The following MSI2 variants were observed in gnomAD, a reference collection of about 807,000 sequenced individuals.
MSI2 encodes musashi RNA binding protein 2, also known as RNA-binding protein Musashi homolog 2.
Under a neutral mutation model 45.6 loss-of-function variants are expected in MSI2, and 17 were observed. That is an observed-to-expected ratio of 0.37 (90% CI 0.26 to 0.56). MSI2 has a LOEUF of 0.56. Among genes scored for constraint, MSI2 ranks in the 20% least tolerant of loss-of-function variants. MSI2 has a pLI of 0.77. For missense variants in MSI2, 293 were observed against 444.2 expected (o/e 0.66, Z 3.06); for synonymous variants, 156 against 158.2 (o/e 0.99, Z 0.11).
chr17:57,454,412 C>T (rs2085073942), intron 6 of MSI2, among the ~76,000 whole-genome samples: 1 of 151,224 alleles, frequency 6.6e-6, no homozygotes, highest in South Asian at 2.1e-4. Flanking sequence ...CTTCTTTCCT[C>T]TCTCTCTCTT....
At chr17:57,615,829 G>A in intron 8 of MSI2, 141 bp from the exon 9 acceptor site, 1 of 620,740 alleles carries the variant, frequency 1.6e-6, no homozygotes, top group Admixed American at 3.0e-5. Context: ...TATTTTGCAG[G>A]CCATTTACTC....
In MSI2 at chr17:57,560,410, C is replaced by G. The variant is rs8081265; in HGVS notation, c.454+30686C>G. Among the ~76,000 whole-genome samples, 3 of 151,960 alleles carry G rather than the reference C, an allele frequency of 2.0e-5. 1 individual carries two copies. The highest frequency in any genetic ancestry group is 2.4e-5 in the African/African-American group (1 of 41,356). On this transcript the variant is annotated intron_variant, in intron 7 of 13. Transcript: ENST00000284073. ...GGGTTGGTGGGGACACTTCCACCCA[C>G]TTCCATGGGGATTTACAAGGTCTGC...
At chr17:57,388,580 T>C (rs903772350) in intron 5 of MSI2, among the ~76,000 whole-genome samples, 2 of 152,202 alleles carry the variant, frequency 1.3e-5, no homozygotes, top group African/African-American at 4.8e-5. Context: ...GGTTCATGCC[T>C]TTTTCTCTAC....
intron 5 of MSI2, among the ~76,000 whole-genome samples, chr17:57,361,597 A>T (rs1448618287): frequency 6.7e-6 from 1 of 148,452 alleles, no homozygotes; most frequent in Non-Finnish European, 1.5e-5. Context: ...ACAGAGCAAG[A>T]CCTTGTCTCA....
intron 5 of MSI2, among the ~76,000 whole-genome samples, chr17:57,288,412 G>A (rs753709827): frequency 2.0e-5 from 3 of 152,182 alleles, no homozygotes; most frequent in Admixed American, 6.5e-5. Flanking sequence ...GCCCTGAAAG[G>A]TTAGTTGTAC....
chr17:57,549,042 ATTTG>A (rs1035856060), intron 7 of MSI2, among the ~76,000 whole-genome samples: 20 of 152,090 alleles, frequency 1.3e-4, no homozygotes, highest in Middle Eastern at 3.4e-3. Flanking sequence ...GAATTATTTT[ATTTG>A]TTTGTTTTTT....
intron 7 of MSI2, among the ~76,000 whole-genome samples, chr17:57,571,191 A>G (rs2087868206): frequency 6.6e-6 from 1 of 152,168 alleles, no homozygotes; most frequent in African/African-American, 2.4e-5. Context: ...TCATTTGATC[A>G]TTTAGCTCCG....
chr17:57,256,874 G>T (rs1351418897), intron 1 of MSI2, 70 bp downstream of exon 1: 1 of 1,270,200 alleles, frequency 7.9e-7, no homozygotes, highest in Non-Finnish European at 1.1e-6. Flanking sequence ...GGACGGCGGT[G>T]CGCGGAGCCG....
At chr17:57,347,760 G>C (rs575165855) in intron 5 of MSI2, among the ~76,000 whole-genome samples, 1 of 152,302 alleles carries the variant, frequency 6.6e-6, no homozygotes, top group Admixed American at 6.5e-5. Flanking sequence ...CCGTGGAATT[G>C]GCTGGAGTCG....
chr17:57,591,666 G>T (rs117907250), intron 7 of MSI2, among the ~76,000 whole-genome samples: 394 of 150,806 alleles, frequency 2.6e-3, no homozygotes, highest in Non-Finnish European at 3.5e-3. Context: ...GATCAAGACT[G>T]CAATGAGCCA....
intron 6 of MSI2, among the ~76,000 whole-genome samples, chr17:57,466,335 G>A (rs937611742): frequency 2.6e-5 from 4 of 152,332 alleles, no homozygotes; most frequent in Middle Eastern, 3.4e-3. Flanking sequence ...TCCCAGGCCC[G>A]CTGTGGCTCC....
chr17:57,287,144 T>G (rs1205811619), intron 5 of MSI2, among the ~76,000 whole-genome samples: 3 of 151,950 alleles, frequency 2.0e-5, no homozygotes, highest in African/African-American at 7.3e-5. Context: ...TTTTTTTTTT[T>G]TTAATTTGCT....
At chr17:57,668,320 A>C (rs529731429) in intron 11 of MSI2, among the ~76,000 whole-genome samples, 60 of 152,220 alleles carry the variant, frequency 3.9e-4, no homozygotes, top group African/African-American at 1.4e-3. Context: ...GAGTTTTAGA[A>C]CTGGCTAATA....
chr17:57,656,971 T>C (rs896803817), intron 11 of MSI2, among the ~76,000 whole-genome samples: 2 of 152,176 alleles, frequency 1.3e-5, no homozygotes, highest in African/African-American at 4.8e-5. Context: ...AGTGCCTGCC[T>C]CCTGGAACCT....
At chr17:57,625,057 A>C (rs992284102) in intron 9 of MSI2, among the ~76,000 whole-genome samples, 2 of 152,044 alleles carry the variant, frequency 1.3e-5, no homozygotes, top group African/African-American at 4.8e-5. Context: ...GGAAGGGGTG[A>C]GGGTCTCTCT....
chr17:57,312,815 A>AG (rs547981657), intron 5 of MSI2, among the ~76,000 whole-genome samples: 65 of 152,236 alleles, frequency 4.3e-4, no homozygotes, highest in African/African-American at 1.4e-3. Flanking sequence ...TATAGTTCCA[A>AG]GGGGGGTTAA....
chr17:57,338,345 C>T (rs2143771974), intron 5 of MSI2, among the ~76,000 whole-genome samples: 1 of 152,254 alleles, frequency 6.6e-6, no homozygotes, highest in Non-Finnish European at 1.5e-5. Flanking sequence ...CCACCTTGGC[C>T]CCCCGAAGTG....
intron 5 of MSI2, among the ~76,000 whole-genome samples, chr17:57,271,668 C>T (rs192586114): frequency 6.1e-4 from 91 of 150,304 alleles, no homozygotes; most frequent in African/African-American, 2.1e-3. Flanking sequence ...GGAATGTATT[C>T]AGGGCTTCAT....
chr17:57,499,943 T>G (rs1463348082), intron 6 of MSI2, among the ~76,000 whole-genome samples: 1 of 144,654 alleles, frequency 6.9e-6, no homozygotes, highest in Non-Finnish European at 1.5e-5. Context: ...GCGTGTTCAC[T>G]TTTTTTTTTT....
Sources: gnomAD v4.1 joint callset for allele counts (sites outside exome capture counted in the v4.1 genomes callset) on GRCh38, gnomAD v4.1.1 for gene constraint, MANE v1.5 for transcripts, NCBI Gene and HGNC (gene_info 2026-07-23, HGNC 2026-07-21) for gene names.